PCNX2: variants seen among roughly 807,000 people sequenced by gnomAD.
PCNX2 encodes pecanex 2.
A neutral mutation model predicts 223.8 loss-of-function variants in PCNX2; 168 were observed. The observed-to-expected ratio is 0.75, with a 90% confidence interval of 0.66 to 0.85. PCNX2 has a LOEUF of 0.85. Ranked by LOEUF, PCNX2 falls within the 40% of genes least tolerant of loss-of-function variation. The pLI is 0.00. For missense variants in PCNX2, 2,507 were observed against 2,675.5 expected, an observed-to-expected ratio of 0.94 and a Z score of 1.39; for synonymous variants, 1,006 against 1,052.6, an observed-to-expected ratio of 0.96 and a Z score of 0.86.
the PCNX2 span, among the ~76,000 whole-genome samples, chr1:233,313,697 C>A: frequency 1.6e-3 from 244 of 152,220 alleles, 4 homozygotes; most frequent in Admixed American, 0.012. Flanking sequence ...TATACACAGA[C>A]CTCCTAAACA....
intron 19 of PCNX2, 48 bp downstream of exon 19, chr1:233,160,235 A>C: frequency 1.9e-5 from 30 of 1,563,878 alleles, no homozygotes; most frequent in Non-Finnish European, 2.5e-5. Flanking sequence ...TTTAATGTAT[A>C]CCTACCCCTC....
At chr1:233,186,817 G>A (rs1452561834) in intron 15 of PCNX2, among the ~76,000 whole-genome samples, 1 of 152,152 alleles carries the variant, frequency 6.6e-6, no homozygotes, top group Non-Finnish European at 1.5e-5. Flanking sequence ...GAGATAGTTA[G>A]CTGGCAAGAC....
chr1:233,217,967 T>A (rs1657083814), intron 11 of PCNX2, 36 bp from the exon 12 acceptor site: 4 of 1,613,632 alleles, frequency 2.5e-6, no homozygotes, highest in Non-Finnish European at 3.4e-6. Context: ...TGTCATCATC[T>A]CATGATTTCA....
chr1:233,200,145 A>AC lies in PCNX2; in HGVS notation c.2974+8dup, dbSNP rs1232571178. ...CCTTTACAGGAAGAATAGAATGTAA[A>AC]CGACTTACCAGAACCACCAAAAAAC... On this transcript the variant is annotated intron_variant, in intron 14 of 33. Coordinates refer to ENST00000258229, the MANE Select transcript of PCNX2 (RefSeq NM_014801.4). 1 of 1,544,546 alleles carries AC rather than the reference A, an allele frequency of 6.5e-7. No homozygotes were observed. The highest frequency in any genetic ancestry group is 8.8e-7 in the Non-Finnish European group (1 of 1,134,142).
chr1:233,043,502 C>G (rs1405103875), intron 25 of PCNX2, among the ~76,000 whole-genome samples: 1 of 151,592 alleles, frequency 6.6e-6, no homozygotes, highest in Non-Finnish European at 1.5e-5. Context: ...GTGTGCTGCA[C>G]CCATTAACTC....
chr1:233,236,573 C>T (rs561835025), intron 9 of PCNX2, among the ~76,000 whole-genome samples: 34 of 152,032 alleles, frequency 2.2e-4, no homozygotes, highest in Middle Eastern at 6.8e-3. Flanking sequence ...ATCCTGGCAA[C>T]CAAAAATCAA....
chr1:233,056,572 AATTTCGAATTTTG>A (rs1672198266), intron 24 of PCNX2, among the ~76,000 whole-genome samples: 1 of 152,178 alleles, frequency 6.6e-6, no homozygotes, highest in African/African-American at 2.4e-5. Flanking sequence ...AGGTATCTCA[AATTTCGAATTTTG>A]ATTTCGAATT....
chr1:233,107,679 A>C (rs567118872), intron 21 of PCNX2, among the ~76,000 whole-genome samples: 11 of 150,214 alleles, frequency 7.3e-5, no homozygotes, highest in East Asian at 3.9e-4. Flanking sequence ...AAAAAAAAAA[A>C]CCCACAAACT....
chr1:233,182,148 C>T (rs926529328), intron 15 of PCNX2, among the ~76,000 whole-genome samples: 4 of 152,108 alleles, frequency 2.6e-5, no homozygotes, highest in African/African-American at 7.2e-5. Context: ...GAAAACAATA[C>T]CTACTCAATG....
At position 233,179,274 on chromosome 1, in the gene PCNX2, G is replaced by T. The variant is rs1044703135; in HGVS notation, c.3067-99C>A. On this transcript the variant is annotated intron_variant, in intron 15 of 33. Coordinates refer to ENST00000258229, the MANE Select transcript of PCNX2 (RefSeq NM_014801.4). ...AAATATCCCCAAGGTCCAGCTGGATGGATGAGTTATTCCCATGATTATTCC... is the reference window on the plus strand; with the variant it reads ...AAATATCCCCAAGGTCCAGCTGGATTGATGAGTTATTCCCATGATTATTCC... 1.5e-5 allele frequency: 18 copies of T among 1,232,168 alleles called. No homozygotes were observed. In the East Asian group the frequency reaches 4.6e-4, roughly 31 times the overall value. 76.3% of individuals were successfully genotyped at this position (1,232,168 alleles called of 1,614,324 possible). A position where few individuals can be genotyped will look rare whatever the true frequency, so the allele number is the denominator to read the frequency against.
intron 1 of PCNX2, chr1:233,291,211 C>T: frequency 4.1e-6 from 2 of 491,294 alleles, no homozygotes; most frequent in Non-Finnish European, 5.3e-6. Flanking sequence ...CTCCCTGGAC[C>T]TCAGTTGCTA....
At chr1:233,267,661 T>C (rs919452696) in intron 1 of PCNX2, among the ~76,000 whole-genome samples, 1 of 152,108 alleles carries the variant, frequency 6.6e-6, no homozygotes, top group Non-Finnish European at 1.5e-5. Context: ...GCATAATGTG[T>C]TTAAGGCTCA....
chr1:233,268,965 A>G (rs757134543), intron 1 of PCNX2, among the ~76,000 whole-genome samples: 10 of 152,210 alleles, frequency 6.6e-5, no homozygotes, highest in Admixed American at 2.0e-4. Flanking sequence ...TCAGGCCCCA[A>G]GTAAAGAGGC....
At chr1:233,264,147 T>TCCCA (rs1660210045) in intron 1 of PCNX2, among the ~76,000 whole-genome samples, 3 of 152,302 alleles carry the variant, frequency 2.0e-5, no homozygotes, top group Admixed American at 2.0e-4. Context: ...CGTGGAGTTG[T>TCCCA]CCCACTCTGT....
intron 9 of PCNX2, among the ~76,000 whole-genome samples, chr1:233,231,213 G>C (rs1218389996): frequency 1.3e-5 from 2 of 152,072 alleles, no homozygotes; most frequent in African/African-American, 4.8e-5. Flanking sequence ...ACATCAAGCA[G>C]TGCTCATCAG....
intron 23 of PCNX2, 82 bp downstream of exon 23, chr1:233,089,979 A>T (rs1282374123): frequency 6.3e-6 from 10 of 1,582,978 alleles, no homozygotes; most frequent in Admixed American, 1.8e-5. Context: ...GGAGCCAGGG[A>T]CCTCCTAACA....
intron 19 of PCNX2, among the ~76,000 whole-genome samples, chr1:233,158,632 A>G (rs1277387590): frequency 6.6e-6 from 1 of 152,208 alleles, no homozygotes. Flanking sequence ...GACAAAAGTA[A>G]AAATATAAGG....
intron 26 of PCNX2, among the ~76,000 whole-genome samples, chr1:233,017,608 G>A (rs1177250344): frequency 1.3e-5 from 2 of 151,806 alleles, no homozygotes; most frequent in Non-Finnish European, 2.9e-5. Context: ...GAGCCACCAT[G>A]CCTGGCCTAA....
At chr1:232,992,042 G>A (rs75181564) in intron 32 of PCNX2, among the ~76,000 whole-genome samples, 7,126 of 152,250 alleles carry the variant, frequency 0.047, 538 homozygotes, top group African/African-American at 0.16. Context: ...GGAGCTGCAC[G>A]AAAGACCAGG....
Sources: allele counts gnomAD v4.1 joint callset (sites outside exome capture counted in the v4.1 genomes callset), GRCh38; gene constraint gnomAD v4.1.1; transcripts MANE v1.5; gene names NCBI Gene and HGNC (gene_info 2026-07-23, HGNC 2026-07-21).